Variants in CDKL4 observed in about 807,000 individuals in gnomAD.
CDKL4 encodes cyclin dependent kinase like 4.
Under a neutral mutation model 42.0 loss-of-function variants are expected in CDKL4, and 44 were observed. The ratio of observed to expected loss-of-function variants is 1.05; its 90% CI spans 0.82 to 1.35. CDKL4 has a LOEUF of 1.35. Among genes scored for constraint, CDKL4 ranks in the 40% most tolerant of loss-of-function variants. CDKL4 has a pLI of 0.00. For missense variants in CDKL4, 393 were observed against 369.9 expected (o/e 1.06, Z -0.51); for synonymous variants, 120 against 121.6 (o/e 0.99, Z 0.09).
chr2:39,244,000 G>C (rs1422770960), upstream of CDKL4, among the ~76,000 whole-genome samples: 3 of 152,360 alleles, frequency 2.0e-5, no homozygotes, highest in East Asian at 1.9e-4. Context: ...CCGCCGCAGC[G>C]TCTCCCGGGC....
At chr2:39,204,865 G>A (rs183045268) in intron 4 of CDKL4, among the ~76,000 whole-genome samples, 2 of 150,736 alleles carry the variant, frequency 1.3e-5, no homozygotes, top group East Asian at 3.9e-4. Context: ...TATAAAAACT[G>A]TCTTTTTTTT....
At chr2:39,224,690 G>C (rs1678584218) in intron 3 of CDKL4, among the ~76,000 whole-genome samples, 1 of 151,870 alleles carries the variant, frequency 6.6e-6, no homozygotes, top group African/African-American at 2.4e-5. Flanking sequence ...TTTTAGTAGA[G>C]ACAGGGGTTC....
chr2:39,210,061 C>G (rs535257500), intron 4 of CDKL4, among the ~76,000 whole-genome samples: 6 of 152,302 alleles, frequency 3.9e-5, no homozygotes, highest in African/African-American at 1.4e-4. Context: ...GATCTTAGCT[C>G]ATTGTAACCT....
At chr2:39,207,229 T>A (rs1305792206) in intron 4 of CDKL4, among the ~76,000 whole-genome samples, 1 of 151,940 alleles carries the variant, frequency 6.6e-6, no homozygotes, top group Non-Finnish European at 1.5e-5. Context: ...CTACAAAAAA[T>A]ACAAAAATTA....
At chr2:39,244,561 C>A (rs1288532608), upstream of CDKL4, among the ~76,000 whole-genome samples, 1 of 152,258 alleles carries the variant, frequency 6.6e-6, no homozygotes, top group African/African-American at 2.4e-5. Flanking sequence ...CCTCCCACCC[C>A]CTCCATGGGT....
intron 7 of CDKL4, among the ~76,000 whole-genome samples, chr2:39,185,165 TG>T (rs1450928456): frequency 7.5e-6 from 1 of 133,298 alleles, no homozygotes; most frequent in Non-Finnish European, 1.6e-5. Context: ...TATACACATA[TG>T]TATATATATA....
intron 5 of CDKL4, among the ~76,000 whole-genome samples, chr2:39,199,266 TG>T (rs1172531856): frequency 1.3e-5 from 2 of 152,038 alleles, no homozygotes; most frequent in Admixed American, 1.3e-4. Flanking sequence ...CCTGGAAATA[TG>T]CAACTCTCCT....
chr2:39,204,768 T>A, intron 4 of CDKL4, 151 bp from the exon 5 acceptor site: 1 of 447,386 alleles, frequency 2.2e-6, no homozygotes, highest in Non-Finnish European at 3.9e-6. Context: ...AATTGGCAAT[T>A]TTTCACTTGT....
At chr2:39,233,352 G>C (rs1679181521) in intron 1 of CDKL4, among the ~76,000 whole-genome samples, 3 of 152,132 alleles carry the variant, frequency 2.0e-5, no homozygotes, top group Admixed American at 2.0e-4. Flanking sequence ...GGTGGCACTA[G>C]TCAGTGTGGC....
intron 2 of CDKL4, among the ~76,000 whole-genome samples, chr2:39,228,413 A>G (rs1210172264): frequency 6.6e-6 from 1 of 152,226 alleles, no homozygotes; most frequent in Non-Finnish European, 1.5e-5. Context: ...ATAATATTTG[A>G]AAATGAGAGA....
At chr2:39,193,563 CG>C (rs1558553836) in intron 5 of CDKL4, among the ~76,000 whole-genome samples, 1 of 151,864 alleles carries the variant, frequency 6.6e-6, no homozygotes, top group Non-Finnish European at 1.5e-5. Context: ...TTAGTAGAGA[CG>C]GGGTTTCTCC....
intron 7 of CDKL4, among the ~76,000 whole-genome samples, chr2:39,185,273 T>C (rs1229508074): frequency 3.8e-5 from 3 of 79,138 alleles, no homozygotes; most frequent in Non-Finnish European, 5.1e-5. Flanking sequence ...TACATATATA[T>C]ACACATATGT....
the CDKL4 span, among the ~76,000 whole-genome samples, chr2:39,169,723 T>C: frequency 2.6e-5 from 4 of 152,232 alleles, no homozygotes. Flanking sequence ...AGTTGCAGTT[T>C]AGGCCTAGAA....
At chr2:39,245,210 G>A (rs934485129), upstream of CDKL4, among the ~76,000 whole-genome samples, 1 of 152,166 alleles carries the variant, frequency 6.6e-6, no homozygotes, top group Non-Finnish European at 1.5e-5. Flanking sequence ...GCTTTTATGA[G>A]TTGTAACACT....
exon 10 of CDKL4, chr2:39,175,674 T>C (rs1675135357): frequency 1.1e-5 from 2 of 180,286 alleles, no homozygotes; most frequent in South Asian, 2.3e-4. Flanking sequence ...ATGACACATG[T>C]AAATCTTTTT....
intron 8 of CDKL4, among the ~76,000 whole-genome samples, chr2:39,181,147 A>G (rs921079806): frequency 1.3e-5 from 2 of 152,044 alleles, no homozygotes; most frequent in Non-Finnish European, 2.9e-5. Context: ...ATTCTCTCTC[A>G]TCTCAATAGT....
At chr2:39,225,564 C>T (rs1678656438) in intron 3 of CDKL4, among the ~76,000 whole-genome samples, 1 of 152,026 alleles carries the variant, frequency 6.6e-6, no homozygotes, top group Non-Finnish European at 1.5e-5. Context: ...AGTATCAAAC[C>T]ATGGTTCATT....
chr2:39,235,988 G>A (rs1363153063), intron 1 of CDKL4, among the ~76,000 whole-genome samples: 1 of 152,012 alleles, frequency 6.6e-6, no homozygotes, highest in African/African-American at 2.4e-5. Flanking sequence ...TCAGATGTTG[G>A]ATTTAGCTGA....
chr2:39,222,511 G>A (rs1185005045), intron 3 of CDKL4, among the ~76,000 whole-genome samples: 1 of 152,078 alleles, frequency 6.6e-6, no homozygotes, highest in Admixed American at 6.6e-5. Context: ...GACAGCTTGA[G>A]CCCAGGAGGT....
Sources: allele counts gnomAD v4.1 joint callset (sites outside exome capture counted in the v4.1 genomes callset), GRCh38; gene constraint gnomAD v4.1.1; transcripts MANE v1.5; gene names NCBI Gene and HGNC (gene_info 2026-07-23, HGNC 2026-07-21).